CDH23: variants seen among roughly 807,000 people sequenced by gnomAD.
CDH23 encodes cadherin related 23.
CDH23 carries 189 observed loss-of-function variants against 317.1 expected under a neutral mutation model. The observed-to-expected ratio is 0.60, with a 90% CI of 0.53 to 0.67. The LOEUF is 0.67. Among genes scored for constraint, CDH23 ranks in the 30% least tolerant of loss-of-function variants. The pLI is 0.00. For synonymous variants in CDH23, 1,839 were observed against 1,876.8 expected (o/e 0.98, Z 0.52); for missense variants, 4,401 against 4,592.4 (o/e 0.96, Z 1.20).
intron 44 of CDH23, among the ~76,000 whole-genome samples, chr10:71,787,141 C>T (rs1425563117): frequency 2.6e-5 from 4 of 152,106 alleles, no homozygotes; most frequent in Admixed American, 6.5e-5. Context: ...CTCATCTTCC[C>T]GCCTGAAGTG....
chr10:71,790,563 T>C, intron 46 of CDH23, 150 bp downstream of exon 46: 1 of 1,082,728 alleles, frequency 9.2e-7, no homozygotes. Context: ...ATCTTGCAGC[T>C]GGGTTATATC....
intron 30 of CDH23, among the ~76,000 whole-genome samples, chr10:71,729,092 C>T (rs1383011209): frequency 1.3e-5 from 2 of 152,152 alleles, no homozygotes; most frequent in Non-Finnish European, 2.9e-5. Flanking sequence ...ACTTCAACCT[C>T]CCAAATTTCT....
rs566853786 is a variant in CDH23 at position 71,571,043 on chromosome 10, G to A, written c.753+125G>A. 3.8e-3 allele frequency: 4,053 copies of A among 1,058,012 alleles called. 14 individuals carry two copies. Among genetic ancestry groups the A allele is most frequent in the South Asian group, 6.4e-3 (409 of 63,694 alleles). 65.5% of individuals were successfully genotyped at this position (1,058,012 alleles called of 1,614,324 possible). ...CTTGGCTCCTCCGCAGTCCCTGTGCGTGGCAGTGATGAGTGTTCTGGCACA... is the reference window on the plus strand; with the variant it reads ...CTTGGCTCCTCCGCAGTCCCTGTGCATGGCAGTGATGAGTGTTCTGGCACA... On this transcript the variant is annotated intron_variant, in intron 8 of 69. Coordinates refer to ENST00000224721, the MANE Select transcript of CDH23 (RefSeq NM_022124.6).
Position 71,806,958 on chromosome 10 carries a change from G to A in CDH23, c.8179-319G>A, listed in dbSNP as rs76337550. ...TCTGACATGGTTGTTTTTTCTTCTT[G>A]TGTGCACATGGGATGTGATGTTCCT... On this transcript the variant is annotated intron_variant, in intron 57 of 69. Coordinates refer to ENST00000224721, the MANE Select transcript of CDH23 (RefSeq NM_022124.6). Among the ~76,000 whole-genome samples, 630 of 152,302 alleles carry A rather than the reference G, an allele frequency of 4.1e-3. 3 individuals are homozygous for A. Among genetic ancestry groups the A allele is most frequent in the East Asian group, 0.024 (126 of 5,190 alleles).
In CDH23 at chr10:71,458,368, G is replaced by T. The variant is rs546811470; in HGVS notation, c.145+11973G>T. On this transcript the variant is annotated intron_variant, in intron 3 of 69. Transcript: ENST00000224721. ...CTGAGCACAGTGCATGGAGTGGGAG[G>T]CACAAGGCCTGGGTTTCAATGCCAG... 9.0e-4 allele frequency among the ~76,000 whole-genome samples: 137 copies of T among 152,360 alleles called. 1 individual carries two copies. The highest frequency in any genetic ancestry group is 3.0e-3 in the African/African-American group (125 of 41,572).
chr10:71,571,375 G>A (rs1181110435), intron 8 of CDH23, among the ~76,000 whole-genome samples: 3 of 152,182 alleles, frequency 2.0e-5, no homozygotes, highest in Non-Finnish European at 2.9e-5. Context: ...TCTTGGCCCC[G>A]GCTCTTCCCT....
intron 38 of CDH23, among the ~76,000 whole-genome samples, chr10:71,745,301 G>A (rs371703409): frequency 3.3e-5 from 5 of 152,208 alleles, no homozygotes; most frequent in African/African-American, 1.2e-4. Context: ...GTCTTGGTTA[G>A]CACAGCCAAG....
intron 48 of CDH23, among the ~76,000 whole-genome samples, chr10:71,796,405 T>A (rs1589426621): frequency 6.6e-6 from 1 of 152,292 alleles, no homozygotes; most frequent in Non-Finnish European, 1.5e-5. Flanking sequence ...TTGCTAGGAC[T>A]GCCATGGAAC....
chr10:71,600,212 G>A (rs1048363348), intron 9 of CDH23, among the ~76,000 whole-genome samples: 21 of 151,990 alleles, frequency 1.4e-4, no homozygotes, highest in Admixed American at 5.9e-4. Context: ...ATGTTGGCCA[G>A]GCTGGTCTCA....
intron 38 of CDH23, among the ~76,000 whole-genome samples, chr10:71,759,058 A>G (rs7070423): frequency 0.15 from 22,674 of 148,358 alleles, 1,899 homozygotes; most frequent in South Asian, 0.25. Flanking sequence ...TTTTTTTTTG[A>G]GATGGAGTCT....
At chr10:71,588,848 C>G (rs1182920766) in intron 9 of CDH23, among the ~76,000 whole-genome samples, 1 of 152,224 alleles carries the variant, frequency 6.6e-6, no homozygotes, top group Non-Finnish European at 1.5e-5. Context: ...TGTAGGCACC[C>G]TCTCTAGCCC....
At position 71,434,782 on chromosome 10, in the gene CDH23, G is replaced by T. The variant is rs147760478; in HGVS notation, c.-5-5045G>T. Among the ~76,000 whole-genome samples the T allele has an allele frequency of 2.3e-4, 35 of 152,218 alleles. No individual in the cohort carries two copies. The East Asian group carries it at 4.3e-3, about 19-fold the overall frequency. On this transcript the variant is annotated intron_variant, in intron 1 of 69. Transcript: ENST00000224721. ...GAGGGAAGCAGTAGCGGGTGAGGAGGGGGGAGACTTGCTCACCCCTGATGG... is the reference window on the plus strand; with the variant it reads ...GAGGGAAGCAGTAGCGGGTGAGGAGTGGGGAGACTTGCTCACCCCTGATGG...
At chr10:71,495,389 G>A (rs975615347) in intron 3 of CDH23, among the ~76,000 whole-genome samples, 5 of 152,046 alleles carry the variant, frequency 3.3e-5, no homozygotes, top group East Asian at 1.9e-4. Context: ...TTATGATTGC[G>A]CCTTTCTTCA....
rs1222977106 is a variant in CDH23, at chr10:71,687,739, G to A, written c.2059+20G>A. The A allele has an allele frequency of 1.9e-6, 3 of 1,611,554 alleles. No individual in the cohort carries two copies. The highest frequency in any genetic ancestry group is 1.3e-5 in the African/African-American group (1 of 74,882). On this transcript the variant is annotated intron_variant, in intron 19 of 69. Transcript: ENST00000224721. ...TGGCAGGTACAGGCTCAGGTCGGGG[G>A]GTGGGGGGCACATGGAGGTAGGCAG...
At chr10:71,658,131 G>A (rs996051690) in intron 14 of CDH23, among the ~76,000 whole-genome samples, 13 of 152,318 alleles carry the variant, frequency 8.5e-5, no homozygotes, top group South Asian at 2.1e-4. Flanking sequence ...AGTGATTGAC[G>A]GGTCCGGAGT....
chr10:71,531,082 G>T (rs1025124962), intron 6 of CDH23, among the ~76,000 whole-genome samples: 6 of 152,228 alleles, frequency 3.9e-5, no homozygotes, highest in Non-Finnish European at 4.4e-5. Context: ...CCTGCCATTT[G>T]CACCACATGG....
chr10:71,623,655 G>T (rs552447920), intron 11 of CDH23, among the ~76,000 whole-genome samples: 1 of 152,330 alleles, frequency 6.6e-6, no homozygotes, highest in South Asian at 2.1e-4. Flanking sequence ...ATGCATTCCA[G>T]TGTCTGACGG....
chr10:71,760,285 ATATGTGTATATATATG>A (rs1840340621), intron 38 of CDH23, among the ~76,000 whole-genome samples: 4 of 112,006 alleles, frequency 3.6e-5, no homozygotes, highest in Admixed American at 9.8e-5. Flanking sequence ...ATGTATGTAT[ATATGTGTATATATATG>A]TATATACACA....
At chr10:71,716,119 C>T (rs1432397870) in intron 28 of CDH23, 8 of 1,548,760 alleles carry the variant, frequency 5.2e-6, no homozygotes, top group African/African-American at 1.4e-5. Context: ...GGGGCATGCA[C>T]TCGTGAGCCC....
Sources: gnomAD v4.1 joint callset for allele counts (sites outside exome capture counted in the v4.1 genomes callset) on GRCh38, gnomAD v4.1.1 for gene constraint, MANE v1.5 for transcripts, NCBI Gene and HGNC (gene_info 2026-07-23, HGNC 2026-07-21) for gene names.